CLTCL1: variants seen among roughly 807,000 people sequenced by gnomAD.
CLTCL1 encodes clathrin heavy chain 2.
A neutral mutation model predicts 190.0 loss-of-function variants in CLTCL1; 159 were observed. That is an observed-to-expected ratio of 0.84 (90% CI 0.74 to 0.95). The LOEUF is 0.95. Ranked by LOEUF, CLTCL1 falls within the 40% of genes least tolerant of loss-of-function variation. CLTCL1 has a pLI of 0.00. For missense variants in CLTCL1, 1,878 were observed against 2,033.4 expected (o/e 0.92, Z 1.47); for synonymous variants, 752 against 769.6 (o/e 0.98, Z 0.38).
chr22:19,203,207 C>T (rs937232820), intron 22 of CLTCL1, among the ~76,000 whole-genome samples: 59 of 152,114 alleles, frequency 3.9e-4, no homozygotes, highest in African/African-American at 1.4e-3. Context: ...CCCAGCTACT[C>T]AGGAGGCTGA....
At chr22:19,278,738 G>A (rs952027616) in intron 1 of CLTCL1, among the ~76,000 whole-genome samples, 3 of 152,026 alleles carry the variant, frequency 2.0e-5, no homozygotes, top group African/African-American at 7.2e-5. Context: ...GATTAGTGGG[G>A]TTTTTGTTTT....
chr22:19,261,015 A>G (rs1165341533), intron 2 of CLTCL1, among the ~76,000 whole-genome samples: 3 of 152,092 alleles, frequency 2.0e-5, no homozygotes, highest in Non-Finnish European at 2.9e-5. Context: ...GAGATATACA[A>G]GGAGATGAAA....
Position 19,209,467 on chromosome 22 carries a change from T to G in CLTCL1, c.3250-353A>C, listed in dbSNP as rs2085151956. ...GAAACTGTAAAAGAGTTCACAAGAA[T>G]TGCTGTGGGGAATAAGATTGCTCAC... On this transcript the variant is annotated intron_variant, in intron 20 of 32. Transcript: ENST00000427926. The G allele has an allele frequency of 1.6e-5, 3 of 186,772 alleles. No homozygotes were observed. In the South Asian group the frequency reaches 4.2e-4, roughly 26 times the overall value. The allele number at this position is 186,772 out of a possible 1,614,324, so 11.6% of individuals were successfully genotyped here. A position where few individuals can be genotyped will look rare whatever the true frequency, so the allele number is the denominator to read the frequency against.
At chr22:19,284,306 A>C (rs1555988791) in intron 1 of CLTCL1, among the ~76,000 whole-genome samples, 1 of 152,212 alleles carries the variant, frequency 6.6e-6, no homozygotes, top group African/African-American at 2.4e-5. Context: ...ATGGTAAACA[A>C]ATAGTAAAAC....
intron 28 of CLTCL1, 104 bp downstream of exon 28, chr22:19,187,877 C>A: frequency 7.4e-7 from 1 of 1,352,304 alleles, no homozygotes; most frequent in Non-Finnish European, 1.0e-6. Flanking sequence ...CCTGTGGGGC[C>A]TGCACACCCT....
At chr22:19,276,086 G>A (rs1211117225) in intron 1 of CLTCL1, among the ~76,000 whole-genome samples, 8 of 152,176 alleles carry the variant, frequency 5.3e-5, no homozygotes, top group South Asian at 4.2e-4. Context: ...TGTCAAGGAC[G>A]CCACAAGTGA....
intron 1 of CLTCL1, among the ~76,000 whole-genome samples, chr22:19,283,991 CAA>C (rs1221211147): frequency 9.0e-4 from 56 of 62,394 alleles, no homozygotes; most frequent in Admixed American, 1.9e-3. Context: ...GACCCTGTCT[CAA>C]AAAAAAAAAA....
chr22:19,273,681 T>C (rs1275416742), intron 2 of CLTCL1, among the ~76,000 whole-genome samples: 1 of 152,152 alleles, frequency 6.6e-6, no homozygotes, highest in Non-Finnish European at 1.5e-5. Context: ...TTAATCTCAC[T>C]CTAGTCTTCC....
intron 2 of CLTCL1, among the ~76,000 whole-genome samples, chr22:19,270,304 G>T (rs1291006542): frequency 6.6e-6 from 1 of 152,046 alleles, no homozygotes. Flanking sequence ...TTGCTGCCTC[G>T]GGCCGGGAGT....
chr22:19,240,267 T>C (rs979285613), intron 4 of CLTCL1, among the ~76,000 whole-genome samples: 10 of 152,040 alleles, frequency 6.6e-5, no homozygotes, highest in African/African-American at 2.4e-4. Flanking sequence ...CCAGCCACCA[T>C]AACTTTCATC....
intron 9 of CLTCL1, 54 bp downstream of exon 9, chr22:19,233,112 C>G: frequency 6.4e-7 from 1 of 1,558,092 alleles, no homozygotes; most frequent in South Asian, 1.2e-5. Flanking sequence ...AATCAGCAAC[C>G]ACTCAACCAC....
chr22:19,234,190 C>T (rs1270116489), intron 7 of CLTCL1, among the ~76,000 whole-genome samples: 1 of 152,182 alleles, frequency 6.6e-6, no homozygotes, highest in African/African-American at 2.4e-5. Context: ...ATGTATTGTA[C>T]AGTTGCATAT....
chr22:19,180,268 G>A (rs782187571), intron 31 of CLTCL1, 30 bp from the exon 32 acceptor site: 1 of 1,613,262 alleles, frequency 6.2e-7, no homozygotes, highest in Non-Finnish European at 8.5e-7. Context: ...ATTAATGGTG[G>A]AAGGACACAC....
At position 19,183,459 on chromosome 22, in the gene CLTCL1, G is replaced by A. The variant is rs1555926772; in HGVS notation, c.4758C>T (p.Ala1586=). ...LLRPDMVLEL[A]WRHNLVDLAM... is the part of the protein sequence containing the mutation. ...CCAAGTCCACGAGGTTGTGCCTCCA[G>A]GCCAGCTCAAGCACCATGTCTGGGC... Residue 1586 remains alanine, a synonymous_variant, in exon 30 of 33, where the codon GCC becomes GCT. Transcript: ENST00000427926. 6.2e-7 allele frequency: 1 copy of A among 1,613,738 alleles called. No homozygotes were observed. Among genetic ancestry groups the A allele is most frequent in the Non-Finnish European group, 8.5e-7 (1 of 1,179,892 alleles).
intron 2 of CLTCL1, among the ~76,000 whole-genome samples, chr22:19,255,235 C>T (rs1465705794): frequency 1.3e-5 from 2 of 152,180 alleles, no homozygotes; most frequent in Admixed American, 1.3e-4. Context: ...TAGATGACTA[C>T]AGGAGTGCAG....
rs1178843079 is a variant in CLTCL1 at position 19,291,711 on chromosome 22, A to G, written c.-70T>C. 16 of 1,288,206 alleles carry G rather than the reference A, an allele frequency of 1.2e-5. No individual in the cohort carries two copies. Among genetic ancestry groups the G allele is most frequent in the African/African-American group, 1.6e-5 (1 of 64,238 alleles). 79.8% of individuals were successfully genotyped at this position (1,288,206 alleles called of 1,614,324 possible). Reference sequence around the variant, plus strand: ...GAACGCCGACCCCTCGCGCGGGCTGACCGGTGGCGACGGCGCAGGCGCAGT... The same window carrying G: ...GAACGCCGACCCCTCGCGCGGGCTGGCCGGTGGCGACGGCGCAGGCGCAGT... On this transcript the variant is annotated 5_prime_UTR_variant, in exon 1 of 33. Transcript: ENST00000427926.
intron 29 of CLTCL1, chr22:19,184,248 A>G (rs934000582): frequency 3.0e-6 from 1 of 329,736 alleles, no homozygotes; most frequent in Non-Finnish European, 6.0e-6. Context: ...CCATTCAGAG[A>G]CCAGGAACCT....
intron 13 of CLTCL1, among the ~76,000 whole-genome samples, chr22:19,224,697 A>G (rs2145796991): frequency 6.6e-6 from 1 of 152,232 alleles, no homozygotes; most frequent in East Asian, 1.9e-4. Flanking sequence ...TTCTCCACCA[A>G]CCTACTCTAC....
intron 29 of CLTCL1, among the ~76,000 whole-genome samples, chr22:19,187,217 T>A (rs994113190): frequency 1.5e-4 from 23 of 152,118 alleles, no homozygotes; most frequent in African/African-American, 5.3e-4. Flanking sequence ...TTCCCAAATC[T>A]TGATAGGAAG....
Sources: gnomAD v4.1 joint callset for allele counts (sites outside exome capture counted in the v4.1 genomes callset) on GRCh38, gnomAD v4.1.1 for gene constraint, MANE v1.5 for transcripts, NCBI Gene and HGNC (gene_info 2026-07-23, HGNC 2026-07-21) for gene names.